Variants in CADM2 observed in about 807,000 individuals in gnomAD.
CADM2 encodes the protein cell adhesion molecule 2, also known as immunoglobulin superfamily member 4D.
Under a neutral mutation model 49.8 loss-of-function variants are expected in CADM2, and 12 were observed. The ratio of observed to expected loss-of-function variants is 0.24; its 90% CI spans 0.15 to 0.39. The LOEUF (loss-of-function observed/expected upper bound fraction) is 0.39, where lower values mean the gene tolerates loss of function less well. Ranked by LOEUF, CADM2 falls within the 10% of genes least tolerant of loss-of-function variation. CADM2 has a pLI of 1.00. For missense variants in CADM2, 378 were observed against 492.3 expected, an observed-to-expected ratio of 0.77 and a Z score of 2.20; for synonymous variants, 214 against 175.4, an observed-to-expected ratio of 1.22 and a Z score of -1.74.
intron 1 of CADM2, among the ~76,000 whole-genome samples, chr3:85,118,540 G>C (rs762273829): frequency 6.6e-6 from 1 of 152,034 alleles, no homozygotes; most frequent in Non-Finnish European, 1.5e-5. Context: ...ATCAGATCTT[G>C]TGAGTCTTAT....
At chr3:85,478,425 A>G (rs1000761654) in intron 1 of CADM2, among the ~76,000 whole-genome samples, 8 of 151,954 alleles carry the variant, frequency 5.3e-5, no homozygotes, top group Non-Finnish European at 8.8e-5. Flanking sequence ...AGTGTCTCTG[A>G]AAACATGAGT....
chr3:85,048,122 G>A (rs2035737833), intron 1 of CADM2, among the ~76,000 whole-genome samples: 1 of 151,942 alleles, frequency 6.6e-6, no homozygotes, highest in Admixed American at 6.6e-5. Flanking sequence ...TTCAGATTCA[G>A]CATGTTAAGT....
At chr3:85,550,121 G>A (rs1220589563) in intron 1 of CADM2, among the ~76,000 whole-genome samples, 3 of 152,100 alleles carry the variant, frequency 2.0e-5, no homozygotes, top group Non-Finnish European at 4.4e-5. Context: ...GTAGTCCAAG[G>A]TCACACACTG....
chr3:85,620,075 A>C (rs2063925262), intron 1 of CADM2, among the ~76,000 whole-genome samples: 1 of 152,178 alleles, frequency 6.6e-6, no homozygotes, highest in South Asian at 2.1e-4. Context: ...AACTATTTGC[A>C]GGCAGCATTG....
At chr3:85,771,931 G>A (rs1219480363) in intron 2 of CADM2, among the ~76,000 whole-genome samples, 1 of 151,368 alleles carries the variant, frequency 6.6e-6, no homozygotes, top group African/African-American at 2.4e-5. Flanking sequence ...CAAGAAAGGT[G>A]AAGTTTTTCA....
At chr3:85,339,980 G>A (rs1489834073) in intron 1 of CADM2, among the ~76,000 whole-genome samples, 1 of 150,998 alleles carries the variant, frequency 6.6e-6, no homozygotes, top group Non-Finnish European at 1.5e-5. Context: ...TCACTATTAA[G>A]GAAAAAAGAC....
chr3:85,239,197 G>T (rs1225315721), intron 1 of CADM2, among the ~76,000 whole-genome samples: 2 of 151,704 alleles, frequency 1.3e-5, no homozygotes, highest in Non-Finnish European at 3.0e-5. Context: ...CTAATTCTTA[G>T]TTATTATAAT....
At chr3:85,832,951 T>C (rs1160027281) in intron 3 of CADM2, among the ~76,000 whole-genome samples, 1 of 151,960 alleles carries the variant, frequency 6.6e-6, no homozygotes, top group Non-Finnish European at 1.5e-5. Context: ...TTGTCGTAGA[T>C]GGCTGTTAGT....
At chr3:85,965,992 C>T (rs999752173) in intron 8 of CADM2, among the ~76,000 whole-genome samples, 6 of 151,580 alleles carry the variant, frequency 4.0e-5, no homozygotes, top group Admixed American at 2.6e-4. Context: ...TACCACATTC[C>T]CCAAACCCTA....
chr3:85,092,675 C>A (rs970767483), intron 1 of CADM2, among the ~76,000 whole-genome samples: 1 of 152,018 alleles, frequency 6.6e-6, no homozygotes, highest in African/African-American at 2.4e-5. Flanking sequence ...CTAAACAAGA[C>A]CTCTCTCACC....
intron 3 of CADM2, among the ~76,000 whole-genome samples, chr3:85,807,499 CAA>C (rs60644652): frequency 0.01 from 824 of 82,196 alleles, 4 homozygotes; most frequent in African/African-American, 0.028. Flanking sequence ...AACTCCGTCT[CAA>C]AAAAAAAAAA....
intron 2 of CADM2, among the ~76,000 whole-genome samples, chr3:85,787,838 C>G (rs1203859398): frequency 6.6e-6 from 1 of 152,096 alleles, no homozygotes; most frequent in Non-Finnish European, 1.5e-5. Context: ...AACTTCTTTT[C>G]TGCCTCATCT....
chr3:86,046,393 C>A (rs1736691409), intron 8 of CADM2, among the ~76,000 whole-genome samples: 2 of 152,116 alleles, frequency 1.3e-5, no homozygotes, highest in Non-Finnish European at 1.5e-5. Context: ...CCATATTTTT[C>A]TTCTCATTCT....
chr3:85,392,699 T>G (rs2034573268), intron 1 of CADM2, among the ~76,000 whole-genome samples: 1 of 152,126 alleles, frequency 6.6e-6, no homozygotes, highest in South Asian at 2.1e-4. Flanking sequence ...TTTTCTGGAC[T>G]CAAAATTCTA....
At chr3:85,226,690 T>G (rs1214173857) in intron 1 of CADM2, among the ~76,000 whole-genome samples, 1 of 152,156 alleles carries the variant, frequency 6.6e-6, no homozygotes, top group African/African-American at 2.4e-5. Flanking sequence ...TGTTTGCTCT[T>G]GCTTCTCTAG....
chr3:85,206,564 C>A (rs978137357), intron 1 of CADM2, among the ~76,000 whole-genome samples: 52 of 152,178 alleles, frequency 3.4e-4, no homozygotes, highest in African/African-American at 1.2e-3. Flanking sequence ...ACCTCGGCCT[C>A]CCAAAGTGCT....
chr3:85,271,147 G>C (rs1254407472), intron 1 of CADM2, among the ~76,000 whole-genome samples: 1 of 151,352 alleles, frequency 6.6e-6, no homozygotes, highest in East Asian at 1.9e-4. Context: ...AGTTGATCTT[G>C]AGCAAGATAG....
At chr3:85,647,981 G>T (rs2064937306) in intron 1 of CADM2, among the ~76,000 whole-genome samples, 1 of 151,616 alleles carries the variant, frequency 6.6e-6, no homozygotes, top group East Asian at 1.9e-4. Flanking sequence ...CATTTATTCT[G>T]CATTTTTATT....
chr3:85,879,367 TAG>T lies in CADM2; in HGVS notation c.239-3921_239-3920del, dbSNP rs771751237. Among the ~76,000 whole-genome samples, 57 of 152,206 alleles carry T rather than the reference TAG, an allele frequency of 3.7e-4. 1 individual carries two copies. Among genetic ancestry groups the T allele is most frequent in the Admixed American group, 1.3e-4 (2 of 15,262 alleles). On this transcript the variant is annotated intron_variant, in intron 3 of 9. Transcript: ENST00000383699. ...GCAAGTGTATATCTTCCTAAGCAAT[TAG>T]AGTTCACAAAGAATGACAGCAAAGG... is the stretch of plus-strand genomic sequence containing the variant.
Sources: gnomAD v4.1 joint callset for allele counts (sites outside exome capture counted in the v4.1 genomes callset) on GRCh38, gnomAD v4.1.1 for gene constraint, MANE v1.5 for transcripts, NCBI Gene and HGNC (gene_info 2026-07-23, HGNC 2026-07-21) for gene names.